ERBB4: variants seen among roughly 807,000 people sequenced by gnomAD.
The protein encoded by ERBB4 is receptor tyrosine-protein kinase erbB-4.
ERBB4 carries 42 observed loss-of-function variants against 158.0 expected under a neutral mutation model. That is an observed-to-expected ratio of 0.27 (90% CI 0.21 to 0.34). ERBB4 has a LOEUF of 0.34. Ranked by LOEUF, ERBB4 falls within the 10% of genes least tolerant of loss-of-function variation. The probability of loss-of-function intolerance (pLI) is 1.00; values close to 1 mark genes in which losing one functional copy is unlikely to be tolerated. For synonymous variants in ERBB4, 583 were observed against 558.7 expected (o/e 1.04, Z -0.61); for missense variants, 1,333 against 1,624.1 (o/e 0.82, Z 3.08).
At chr2:212,178,651 A>G (rs185207503) in intron 1 of ERBB4, among the ~76,000 whole-genome samples, 5 of 151,848 alleles carry the variant, frequency 3.3e-5, no homozygotes, top group African/African-American at 1.2e-4. Flanking sequence ...ATAAAGTAAG[A>G]CTTTAACATC....
intron 2 of ERBB4, among the ~76,000 whole-genome samples, chr2:211,988,278 A>G (rs1367415622): frequency 6.6e-6 from 1 of 152,076 alleles, no homozygotes; most frequent in African/African-American, 2.4e-5. Context: ...CTTAAGTTCA[A>G]GTTCACACCG....
chr2:212,290,421 AAATCCAG>A (rs1215075397), intron 1 of ERBB4, among the ~76,000 whole-genome samples: 2 of 152,186 alleles, frequency 1.3e-5, no homozygotes, highest in Non-Finnish European at 2.9e-5. Flanking sequence ...TACAAATTTA[AAATCCAG>A]AATGTAAACT....
chr2:211,395,224 T>G (rs917396879), intron 25 of ERBB4, among the ~76,000 whole-genome samples: 2 of 152,140 alleles, frequency 1.3e-5, no homozygotes, highest in East Asian at 1.9e-4. Context: ...TGATTGTATG[T>G]TTTGATGAGG....
At chr2:211,925,165 A>G (rs2079982101) in intron 3 of ERBB4, among the ~76,000 whole-genome samples, 2 of 152,176 alleles carry the variant, frequency 1.3e-5, no homozygotes, top group African/African-American at 4.8e-5. Flanking sequence ...CCAGCTAGTA[A>G]CAGCCATCCA....
intron 19 of ERBB4, among the ~76,000 whole-genome samples, chr2:211,605,535 C>T (rs951703507): frequency 1.3e-5 from 2 of 152,084 alleles, no homozygotes; most frequent in African/African-American, 4.8e-5. Context: ...CCTAAGAGAG[C>T]TTACAGACAT....
At chr2:211,739,101 C>A (rs1275970315) in intron 5 of ERBB4, among the ~76,000 whole-genome samples, 3 of 152,060 alleles carry the variant, frequency 2.0e-5, no homozygotes, top group African/African-American at 7.2e-5. Context: ...CTGTATAGGT[C>A]TATCTAAATA....
At chr2:211,420,677 C>T in intron 24 of ERBB4, 66 bp from the exon 25 acceptor site, 1 of 1,355,058 alleles carries the variant, frequency 7.4e-7, no homozygotes, top group Non-Finnish European at 1.0e-6. Flanking sequence ...GTGGTCTCTG[C>T]AATAAATTTA....
chr2:211,715,845 C>A (rs572100185), intron 7 of ERBB4, among the ~76,000 whole-genome samples: 1 of 152,256 alleles, frequency 6.6e-6, no homozygotes, highest in East Asian at 1.9e-4. Flanking sequence ...ATTACCCAGT[C>A]TCAGGTATTT....
At chr2:212,503,570 T>A (rs544577715) in intron 1 of ERBB4, among the ~76,000 whole-genome samples, 102 of 152,310 alleles carry the variant, frequency 6.7e-4, no homozygotes, top group African/African-American at 2.3e-3. Context: ...AAAGGAATCG[T>A]TTACTTGATG....
intron 3 of ERBB4, among the ~76,000 whole-genome samples, chr2:211,946,550 G>A (rs1292526417): frequency 7.5e-6 from 1 of 133,022 alleles, no homozygotes; most frequent in Non-Finnish European, 1.6e-5. Flanking sequence ...CTACAGTTAG[G>A]TACTAATTAT....
At chr2:212,428,883 G>C (rs1023615759) in intron 1 of ERBB4, among the ~76,000 whole-genome samples, 5 of 152,106 alleles carry the variant, frequency 3.3e-5, no homozygotes, top group Admixed American at 1.3e-4. Context: ...TGCACTCCCA[G>C]GCAGCACTCA....
At chr2:211,715,457 A>C (rs965756845) in intron 7 of ERBB4, among the ~76,000 whole-genome samples, 2 of 152,198 alleles carry the variant, frequency 1.3e-5, no homozygotes, top group Non-Finnish European at 2.9e-5. Flanking sequence ...ACATGATATT[A>C]AGTAGCCATT....
chr2:211,678,922 G>A, intron 13 of ERBB4, 130 bp downstream of exon 13: 3 of 831,970 alleles, frequency 3.6e-6, no homozygotes, highest in Non-Finnish European at 5.4e-6. Flanking sequence ...AGCCGAGATC[G>A]TGCCGCTGCA....
intron 14 of ERBB4, among the ~76,000 whole-genome samples, chr2:211,671,115 T>C (rs552524424): frequency 6.6e-6 from 1 of 152,298 alleles, no homozygotes; most frequent in African/African-American, 2.4e-5. Context: ...ATATTTGATT[T>C]TTCTGAAAAG....
chr2:212,168,203 C>A lies in ERBB4; in HGVS notation c.83-43300G>T, dbSNP rs540246674. 3.3e-5 allele frequency among the ~76,000 whole-genome samples: 5 copies of A among 152,138 alleles called. No individual in the cohort carries two copies. The South Asian group carries it at 6.2e-4, about 19-fold the overall frequency. ...CTGTTTTCTTTTTTATAAATGAAAT[C>A]TTTCCTTTTTGCATTCCTAAATTCC... On this transcript the variant is annotated intron_variant, in intron 1 of 27. Coordinates refer to ENST00000342788, the MANE Select transcript of ERBB4 (RefSeq NM_005235.3).
chr2:211,948,865 C>T (rs570020768), intron 2 of ERBB4, among the ~76,000 whole-genome samples: 12 of 152,206 alleles, frequency 7.9e-5, no homozygotes, highest in African/African-American at 2.6e-4. Context: ...TCTATACTTT[C>T]CCCAAACTCC....
chr2:212,218,289 T>G (rs1485974936), intron 1 of ERBB4, among the ~76,000 whole-genome samples: 1 of 151,368 alleles, frequency 6.6e-6, no homozygotes, highest in Non-Finnish European at 1.5e-5. Flanking sequence ...ATCAGGAGGC[T>G]TATTCAGAAA....
intron 1 of ERBB4, among the ~76,000 whole-genome samples, chr2:212,312,356 AAATTTT>A (rs2087085816): frequency 6.6e-6 from 1 of 150,960 alleles, no homozygotes; most frequent in Admixed American, 6.6e-5. Context: ...TTGAGTGGTA[AAATTTT>A]CAAGACTCAT....
chr2:211,821,891 G>T (rs2077004628), intron 3 of ERBB4, among the ~76,000 whole-genome samples: 1 of 151,856 alleles, frequency 6.6e-6, no homozygotes, highest in South Asian at 2.1e-4. Context: ...AGACCAGAAA[G>T]TATACAACTA....
Sources: gnomAD v4.1 joint callset for allele counts (sites outside exome capture counted in the v4.1 genomes callset) on GRCh38, gnomAD v4.1.1 for gene constraint, MANE v1.5 for transcripts, NCBI Gene and HGNC (gene_info 2026-07-23, HGNC 2026-07-21) for gene names.